MAST3: variants seen among roughly 807,000 people sequenced by gnomAD.
The protein encoded by MAST3 is microtubule-associated serine/threonine-protein kinase 3.
Under a neutral mutation model 127.0 loss-of-function variants are expected in MAST3, and 43 were observed. That is an observed-to-expected ratio of 0.34 (90% CI 0.27 to 0.44). The LOEUF is 0.44. MAST3 is among the 20% of genes least tolerant of loss of function. The probability of loss-of-function intolerance (pLI) is 1.00; values close to 1 mark genes in which losing one functional copy is unlikely to be tolerated. For missense variants in MAST3, 1,390 were observed against 1,919.1 expected (o/e 0.72, Z 5.15); for synonymous variants, 785 against 809.2 (o/e 0.97, Z 0.51).
intron 11 of MAST3, among the ~76,000 whole-genome samples, chr19:18,127,409 C>T (rs917725744): frequency 4.6e-5 from 7 of 151,872 alleles, no homozygotes; most frequent in African/African-American, 9.7e-5. Flanking sequence ...TTAGGCTGGG[C>T]GTAGTGGCTT....
rs573898349 is a variant in MAST3 at position 18,141,929 on chromosome 19, C to A, written c.2253C>A (p.Phe751Leu). The change falls in exon 21 of 28, where the codon TTC (phenylalanine) becomes TTA (leucine). Residue 751 changes from phenylalanine (F) to leucine (L), a missense_variant. This residue lies in a region of MAST3 where 816 missense variants were observed against 934.1 expected (regional missense o/e 0.87). Transcript: ENST00000687212. ...EFLAVQPTPT[F>L]AERSFSEDRE... ...TGGCCGTCCAGCCCACTCCTACCTT[C>A]GCTGAAAGGAGCTTCAGTGAAGACC... 1 of 1,552,750 alleles carries A rather than the reference C, an allele frequency of 6.4e-7. No homozygotes were observed. The highest frequency in any genetic ancestry group is 1.4e-5 in the African/African-American group (1 of 72,874).
At chr19:18,143,628 A>G in intron 21 of MAST3, 135 bp from the exon 22 acceptor site, 2 of 1,109,356 alleles carry the variant, frequency 1.8e-6, no homozygotes, top group East Asian at 2.6e-5. Flanking sequence ...GACAGTGCAG[A>G]CAGAAGGAAC....
At chr19:18,109,541 C>T (rs932059210) in intron 2 of MAST3, among the ~76,000 whole-genome samples, 2 of 150,088 alleles carry the variant, frequency 1.3e-5, no homozygotes, top group Non-Finnish European at 3.0e-5. Context: ...ACTGGGTCCA[C>T]CGGGGCCTCA....
chr19:18,140,867 C>T (rs2042396676), intron 20 of MAST3, among the ~76,000 whole-genome samples: 1 of 152,102 alleles, frequency 6.6e-6, no homozygotes, highest in Non-Finnish European at 1.5e-5. Flanking sequence ...AATCTCAGCT[C>T]ACTGCAACCT....
At position 18,121,806 on chromosome 19, in the gene MAST3, C is replaced by T. The variant is rs749525830; in HGVS notation, c.250+33C>T. On this transcript the variant is annotated intron_variant, in intron 4 of 27. Coordinates refer to ENST00000687212, the MANE Select transcript of MAST3 (RefSeq NM_001393504.1). ...TGGGAGCAGCCAGCGGGTGCTGTGT[C>T]CTGCCTCTGCCCCGCTGACTCAGTT... 1.9e-6 allele frequency: 3 copies of T among 1,613,814 alleles called. No homozygotes were observed. The South Asian group carries it at 3.3e-5, about 18-fold the overall frequency.
chr19:18,107,507 G>C (rs913781012), intron 1 of MAST3, 80 bp from the exon 2 acceptor site: 14 of 1,369,796 alleles, frequency 1.0e-5, no homozygotes, highest in Non-Finnish European at 1.5e-5. Flanking sequence ...TGGGATTGGG[G>C]ATTGTGGGGG....
At position 18,110,908 on chromosome 19, in the gene MAST3, G is replaced by A. The variant is rs553691769; in HGVS notation, c.161+167G>A. On this transcript the variant is annotated intron_variant, in intron 3 of 27. Transcript: ENST00000687212. The surrounding 1 kb of genome is among the most constrained non-coding windows in gnomAD (Gnocchi z 4.3). ...TAATGGCACTGCGATACGTTCTAGG[G>A]GCTTAATGGGAAAATTCCATTTTTA... Among the ~76,000 whole-genome samples, 6 of 152,258 alleles carry A rather than the reference G, an allele frequency of 3.9e-5. No individual in the cohort carries two copies. Among genetic ancestry groups the A allele is most frequent in the African/African-American group, 1.4e-4 (6 of 41,552 alleles).
intron 19 of MAST3, among the ~76,000 whole-genome samples, chr19:18,138,208 G>GAA (rs72398038): frequency 7.0e-6 from 1 of 142,874 alleles, no homozygotes; most frequent in South Asian, 2.2e-4. Flanking sequence ...AAAACTGCCT[G>GAA]AAAAAAAAAA....
intron 5 of MAST3, 116 bp downstream of exon 5, chr19:18,122,038 C>T: frequency 6.7e-7 from 1 of 1,501,820 alleles, no homozygotes; most frequent in South Asian, 1.3e-5. Flanking sequence ...CTTTTCCCCT[C>T]CCCTGGCCCG....
chr19:18,141,480 C>T (rs1396499866), intron 20 of MAST3, among the ~76,000 whole-genome samples: 1 of 149,340 alleles, frequency 6.7e-6, no homozygotes, highest in Non-Finnish European at 1.5e-5. Context: ...TCAAGCCATT[C>T]TCCTGCCTCA....
rs188842427 is a variant in MAST3 at position 18,149,405 on chromosome 19, G to A, written c.3723G>A (p.Ser1241=). 4,171 of 1,459,316 alleles carry A rather than the reference G, an allele frequency of 2.9e-3. 115 individuals carry two copies. The African/African-American group carries it at 0.055, about 19-fold the overall frequency. 90.4% of individuals were successfully genotyped at this position (1,459,316 alleles called of 1,614,324 possible). ...PISAPPPRSP[S]PLPGHPPAPA... ...CCGCGCCCCCACCCCGCTCGCCCTC[G>A]CCCCTGCCCGGGCACCCGCCCGCAC... The change falls in exon 28 of 28, where the codon TCG becomes TCA. Residue 1241 remains serine, a synonymous_variant. Transcript: ENST00000687212. The surrounding 1 kb of genome is among the most constrained non-coding windows in gnomAD (Gnocchi z 5.9).
chr19:18,118,232 G>A lies in MAST3; in HGVS notation c.162-3453G>A, dbSNP rs185644920. 182 of 985,438 alleles carry A rather than the reference G, an allele frequency of 1.8e-4. No individual in the cohort carries two copies. The East Asian group carries it at 0.013, about 71-fold the overall frequency. 61.0% of individuals were successfully genotyped at this position (985,438 alleles called of 1,614,324 possible). ...CCATCGGAGCCGCCTGGCAAAAGGC[G>A]CGCTGCTGCAGCGCTCCAAGAGGTA... On this transcript the variant is annotated intron_variant, in intron 3 of 27. Coordinates refer to ENST00000687212, the MANE Select transcript of MAST3 (RefSeq NM_001393504.1).
In MAST3 at chr19:18,149,945, T is replaced by C. The variant is rs2043414055; in HGVS notation, c.*219T>C. On this transcript the variant is annotated 3_prime_UTR_variant, in exon 28 of 28. Transcript: ENST00000687212. The surrounding 1 kb of genome is among the most constrained non-coding windows in gnomAD (Gnocchi z 5.9). ...TGGGGGACAAGGGTGGCTTTGTAAA[T>C]AGCAGCAAATCCCTGCAACTAATTT... The C allele has an allele frequency of 7.7e-6, 4 of 516,734 alleles. No individual in the cohort carries two copies. The highest frequency in any genetic ancestry group is 1.3e-5 in the Non-Finnish European group (4 of 300,932). The allele number at this position is 516,734 out of a possible 1,614,324, so 32.0% of individuals were successfully genotyped here. A position where few individuals can be genotyped will look rare whatever the true frequency, so the allele number is the denominator to read the frequency against.
chr19:18,137,321 G>A lies in MAST3; in HGVS notation c.2055G>A (p.Val685=). 1 of 1,613,852 alleles carries A rather than the reference G, an allele frequency of 6.2e-7. No individual in the cohort carries two copies. Among genetic ancestry groups the A allele is most frequent in the Non-Finnish European group, 8.5e-7 (1 of 1,179,810 alleles). The change falls in exon 19 of 28, where the codon GTG becomes GTA. Residue 685 remains valine (V), a synonymous_variant. Coordinates refer to ENST00000687212, the MANE Select transcript of MAST3 (RefSeq NM_001393504.1). ...AGLLRHKAEF[V]PQLEAEDDTS... is the part of the protein sequence containing the mutation. ...TTCTCCGACACAAAGCCGAGTTCGT[G>A]CCCCAGCTCGAAGCTGAGGATGATA...
At chr19:18,098,194 A>C (rs1382188653) in intron 1 of MAST3, among the ~76,000 whole-genome samples, 1 of 152,172 alleles carries the variant, frequency 6.6e-6, no homozygotes, top group Non-Finnish European at 1.5e-5. Context: ...CGATGTATTA[A>C]TATGAGTTCA....
rs538870227 is a variant in MAST3, at chr19:18,142,407, A to G, written c.2339+392A>G. 1.1e-4 allele frequency among the ~76,000 whole-genome samples: 15 copies of G among 137,564 alleles called. No homozygotes were observed. In the South Asian group the frequency reaches 3.0e-3, roughly 28 times the overall value. 90.2% of individuals were successfully genotyped at this position (137,564 alleles called of 152,430 possible). A position where few individuals can be genotyped will look rare whatever the true frequency, so the allele number is the denominator to read the frequency against. On this transcript the variant is annotated intron_variant, in intron 21 of 27. Coordinates refer to ENST00000687212, the MANE Select transcript of MAST3 (RefSeq NM_001393504.1). ...CGCTCTGTCGCACAGGCTGGAGTGC[A>G]GTGGCGCAATCTCGGCTCACTGCAA...
chr19:18,138,134 C>CAGG (rs2042070795), intron 19 of MAST3, among the ~76,000 whole-genome samples: 1 of 151,502 alleles, frequency 6.6e-6, no homozygotes, highest in African/African-American at 2.4e-5. Flanking sequence ...TGCTTGAACC[C>CAGG]AGGAGGTGGA....
At chr19:18,138,532 C>T (rs1034968998) in intron 19 of MAST3, among the ~76,000 whole-genome samples, 2 of 152,122 alleles carry the variant, frequency 1.3e-5, no homozygotes, top group Non-Finnish European at 2.9e-5. Flanking sequence ...GAGTCTTGCT[C>T]TGTCACCCAG....
At chr19:18,130,819 C>T in intron 14 of MAST3, 117 bp downstream of exon 14, 1 of 1,059,570 alleles carries the variant, frequency 9.4e-7, no homozygotes, top group Non-Finnish European at 1.4e-6. Context: ...TCTCACCCTG[C>T]TTTGGGGAAC....
Sources: gnomAD v4.1 joint callset for allele counts (sites outside exome capture counted in the v4.1 genomes callset) on GRCh38, gnomAD v4.1.1 for gene constraint, gnomAD v4.1.1 regional missense constraint, Gnocchi (gnomAD v3.1) non-coding constraint, MANE v1.5 for transcripts, NCBI Gene and HGNC (gene_info 2026-07-23, HGNC 2026-07-21) for gene names.